Variants in PCNT observed in about 807,000 individuals in gnomAD.
PCNT encodes kendrin.
In PCNT, 319 loss-of-function variants were observed where a neutral mutation model predicts 380.4. The ratio of observed to expected loss-of-function variants is 0.84; its 90% CI spans 0.77 to 0.92. The LOEUF (loss-of-function observed/expected upper bound fraction) is 0.92. Among genes scored for constraint, PCNT ranks in the 40% least tolerant of loss-of-function variants. The pLI is 0.00. For missense variants in PCNT, 4,400 were observed against 4,255.3 expected, an observed-to-expected ratio of 1.03 and a Z score of -0.95; for synonymous variants, 1,845 against 1,735.2, an observed-to-expected ratio of 1.06 and a Z score of -1.57.
rs1000948222 is a variant in PCNT, at chr21:46,425,203, C to A, written c.7180-628C>A. Among the ~76,000 whole-genome samples the A allele has an allele frequency of 6.6e-6, 1 of 152,126 alleles. No homozygotes were observed. Among genetic ancestry groups the A allele is most frequent in the Non-Finnish European group, 1.5e-5 (1 of 68,020 alleles). The stretch of plus-strand genomic sequence containing the variant: ...TCTGCTTACCCCTCAGCCTCTCTGG[C>A]GAGACAGTCAAGTGTGTGTCCGGAC... On this transcript the variant is annotated intron_variant, in intron 32 of 46. Transcript: ENST00000359568. This position sits in a 1 kb window ranked among gnomAD's most constrained non-coding sequence, Gnocchi z 4.2.
Position 46,366,789 on chromosome 21 carries a change from G to C in PCNT, c.2815G>C (p.Gly939Arg), listed in dbSNP as rs770095294. 1.2e-6 allele frequency: 2 copies of C among 1,613,774 alleles called. No individual in the cohort carries two copies. The highest frequency in any genetic ancestry group is 1.6e-4 in the Middle Eastern group (1 of 6,062). ...GACAGCCTCCTTAGAGAGCAAGCAGGGGGCTCTGCTGGCTGCACGTGTGGC... is the reference window on the plus strand; with the variant it reads ...GACAGCCTCCTTAGAGAGCAAGCAGCGGGCTCTGCTGGCTGCACGTGTGGC... ...ELTASLESKQGALLAARVAEL... is the reference protein window; with the variant it reads ...ELTASLESKQRALLAARVAEL... Residue 939 changes from glycine to arginine, a missense_variant, in exon 15 of 47, where the codon GGG becomes CGG. Coordinates refer to ENST00000359568, the MANE Select transcript of PCNT (RefSeq NM_006031.6).
intron 2 of PCNT, among the ~76,000 whole-genome samples, chr21:46,327,741 A>C (rs74624165): frequency 0.035 from 5,343 of 152,340 alleles, 137 homozygotes; most frequent in Middle Eastern, 0.088. Flanking sequence ...CATAGTTGTA[A>C]ATGCACCTGC....
At chr21:46,371,001 C>T (rs946917563) in intron 15 of PCNT, among the ~76,000 whole-genome samples, 10 of 152,018 alleles carry the variant, frequency 6.6e-5, no homozygotes, top group Admixed American at 6.6e-4. Flanking sequence ...CGCCATTGCC[C>T]TCCAGCCTGG....
At chr21:46,374,464 TC>T (rs1008555307) in intron 15 of PCNT, among the ~76,000 whole-genome samples, 1 of 152,166 alleles carries the variant, frequency 6.6e-6, no homozygotes, top group African/African-American at 2.4e-5. Flanking sequence ...TGTTGGTAGA[TC>T]CACAGGCCTG....
At chr21:46,383,490 G>C (rs534250306) in intron 16 of PCNT, among the ~76,000 whole-genome samples, 1 of 144,240 alleles carries the variant, frequency 6.9e-6, no homozygotes, top group African/African-American at 2.5e-5. Context: ...TGTATATTCA[G>C]TGGCGGAAGC....
Position 46,416,326 on chromosome 21 carries a change from G to C in PCNT, c.6408G>C (p.Gly2136=), listed in dbSNP as rs141594796. Residue 2136 remains glycine (G), a synonymous_variant, in exon 30 of 47, where the codon GGG becomes GGC. Transcript: ENST00000359568. The part of the protein sequence containing the change: ...IDTCDANTAT[G]GVTDVIKNQA... ...CATGTGATGCCAATACAGCCACGGG[G>C]GGTGTAACTGATGTTATCAAAAATC... 23 of 1,613,778 alleles carry C rather than the reference G, an allele frequency of 1.4e-5. No homozygotes were observed. In the African/African-American group the frequency reaches 2.1e-4, roughly 15 times the overall value.
chr21:46,388,820 C>G lies in PCNT; in HGVS notation c.3543C>G (p.Ser1181Arg). ...ETLRAAVTLRSRIGERVGLCL... is the reference protein window; with the variant it reads ...ETLRAAVTLRRRIGERVGLCL... Reference sequence around the variant, plus strand: ...TGAGGGCAGCCGTCACCCTGAGGAGCCGGATCGGGGAGCGCGTGGGGCTCT... The same window carrying G: ...TGAGGGCAGCCGTCACCCTGAGGAGGCGGATCGGGGAGCGCGTGGGGCTCT... The change falls in exon 18 of 47, where the codon AGC becomes AGG. Residue 1181 changes from serine to arginine, a missense_variant. Ser to Arg is a moderately radical substitution (Grantham distance 110). Transcript: ENST00000359568. The surrounding 1 kb of genome is among the most constrained non-coding windows in gnomAD (Gnocchi z 4.2). The G allele has an allele frequency of 1.2e-6, 2 of 1,613,070 alleles. No individual in the cohort carries two copies. The highest frequency in any genetic ancestry group is 1.7e-6 in the Non-Finnish European group (2 of 1,179,962).
At position 46,445,404 on chromosome 21, in the gene PCNT, C is replaced by T. The variant is rs757493371; in HGVS notation, c.*77C>T. The T allele has an allele frequency of 1.2e-5, 14 of 1,155,530 alleles. No individual in the cohort carries two copies. The highest frequency in any genetic ancestry group is 6.1e-5 in the African/African-American group (4 of 66,030). The allele number at this position is 1,155,530 out of a possible 1,614,324, so 71.6% of individuals were successfully genotyped here. A position where few individuals can be genotyped will look rare whatever the true frequency, so the allele number is the denominator to read the frequency against. ...GTTTTTCCCTTTTCCCAAGGAAGCT[C>T]GTGGGACAGCATGGGCACTACTCTT... On this transcript the variant is annotated 3_prime_UTR_variant, in exon 47 of 47. Transcript: ENST00000359568.
At chr21:46,402,610 CAGACAGTGCAGAGAGCG>C in intron 27 of PCNT, 127 bp downstream of exon 27, 1 of 948,692 alleles carries the variant, frequency 1.1e-6, no homozygotes. Flanking sequence ...CCCCATGTGG[CAGACAGTGCAGAGAGCG>C]CCCGATTCTG....
Position 46,388,834 on chromosome 21 carries a change from G to A in PCNT, c.3557G>A (p.Arg1186His), listed in dbSNP as rs751935483. ...AVTLRSRIGE[R>H]VGLCLDDAGA... The stretch of plus-strand genomic sequence containing the variant: ...ACCCTGAGGAGCCGGATCGGGGAGC[G>A]CGTGGGGCTCTGCCTGGATGACGCG... Residue 1186 changes from arginine (R) to histidine (H), a missense_variant, in exon 18 of 47, where the codon CGC becomes CAC. Transcript: ENST00000359568. The surrounding 1 kb of genome is among the most constrained non-coding windows in gnomAD (Gnocchi z 4.2). 1.1e-5 allele frequency: 17 copies of A among 1,611,946 alleles called. No individual in the cohort carries two copies. In the East Asian group the frequency reaches 1.1e-4, roughly 11 times the overall value.
At chr21:46,372,318 GCA>G (rs1350718641) in intron 15 of PCNT, among the ~76,000 whole-genome samples, 9 of 151,522 alleles carry the variant, frequency 5.9e-5, no homozygotes, top group Non-Finnish European at 7.4e-5. Flanking sequence ...CACACAGCAC[GCA>G]CACACAACAC....
At chr21:46,402,159 T>C (rs1403633386) in intron 26 of PCNT, among the ~76,000 whole-genome samples, 172 bp from the exon 27 acceptor site, 1 of 152,058 alleles carries the variant, frequency 6.6e-6, no homozygotes, top group South Asian at 2.1e-4. Flanking sequence ...GCCTGACCAC[T>C]GTGTATTCTT....
chr21:46,399,264 T>C (rs201718225), intron 24 of PCNT, among the ~76,000 whole-genome samples: 2 of 118,024 alleles, frequency 1.7e-5, no homozygotes, highest in African/African-American at 2.7e-5. Flanking sequence ...CTGTGCAGCC[T>C]GTGGGTCTGG....
chr21:46,348,957 T>G (rs752405542), intron 6 of PCNT, 55 bp from the exon 7 acceptor site: 22 of 1,216,298 alleles, frequency 1.8e-5, no homozygotes, highest in Non-Finnish European at 2.4e-5. Context: ...TGATTTAAAT[T>G]TCTTTAGCAC....
At chr21:46,353,754 GAGAGAC>G (rs1162060870) in intron 10 of PCNT, among the ~76,000 whole-genome samples, 1 of 86,912 alleles carries the variant, frequency 1.2e-5, no homozygotes, top group Non-Finnish European at 2.8e-5. Flanking sequence ...GTGTGTGTGA[GAGAGAC>G]AGAGAGAGAG....
chr21:46,424,834 C>G (rs1602063671), intron 32 of PCNT, among the ~76,000 whole-genome samples: 1 of 151,344 alleles, frequency 6.6e-6, no homozygotes, highest in Admixed American at 6.6e-5. Flanking sequence ...TTGCATCCAT[C>G]CTGTGCCACA....
intron 2 of PCNT, among the ~76,000 whole-genome samples, 199 bp downstream of exon 2, chr21:46,326,788 C>T (rs545218202): frequency 4.6e-4 from 70 of 152,162 alleles, no homozygotes; most frequent in African/African-American, 1.6e-3. Context: ...CCGAGGCAGG[C>T]GGATCACCTG....
At chr21:46,355,318 G>T (rs959001031) in intron 11 of PCNT, 134 bp from the exon 12 acceptor site, 19 of 915,762 alleles carry the variant, frequency 2.1e-5, no homozygotes, top group South Asian at 1.5e-4. Flanking sequence ...TCACCAGGGC[G>T]CAGCGTGTGG....
chr21:46,411,460 T>C lies in PCNT; in HGVS notation c.5387T>C (p.Leu1796Pro), dbSNP rs2147668809. The C allele has an allele frequency of 3.7e-6, 6 of 1,610,644 alleles. No individual in the cohort carries two copies. In the East Asian group the frequency reaches 1.3e-4, roughly 36 times the overall value. Residue 1796 changes from leucine to proline, a missense_variant, in exon 28 of 47, where the codon CTG becomes CCG. By Grantham distance (98) the Leu-to-Pro change is moderately conservative. Coordinates refer to ENST00000359568, the MANE Select transcript of PCNT (RefSeq NM_006031.6). ...CTACAGGGCGAGCTCGAGGCTGCGC[T>C]GGAAGCCAAGGAGGCCCTGAGCCGG... is the stretch of plus-strand genomic sequence containing the variant. ...QALQGELEAA[L>P]EAKEALSRLL...
Sources: gnomAD v4.1 joint callset for allele counts (sites outside exome capture counted in the v4.1 genomes callset) on GRCh38, gnomAD v4.1.1 for gene constraint, Gnocchi (gnomAD v3.1) non-coding constraint, MANE v1.5 for transcripts, NCBI Gene and HGNC (gene_info 2026-07-23, HGNC 2026-07-21) for gene names.